LRP2: variants seen among roughly 807,000 people sequenced by gnomAD.
LRP2 encodes the protein LDL receptor related protein 2.
In LRP2, 172 loss-of-function variants were observed where a neutral mutation model predicts 531.0. The ratio of observed to expected loss-of-function variants is 0.32; its 90% CI spans 0.29 to 0.37. LRP2 has a LOEUF of 0.37. Ranked by LOEUF, LRP2 falls within the 10% of genes least tolerant of loss-of-function variation. LRP2 has a pLI of 1.00. For missense variants in LRP2, 5,167 were observed against 5,868.3 expected (o/e 0.88, Z 3.90); for synonymous variants, 1,992 against 2,027.6 (o/e 0.98, Z 0.47).
At position 169,152,156 on chromosome 2, in the gene LRP2, C is replaced by G. The variant is rs142277343; in HGVS notation, c.12461+643G>C. On this transcript the variant is annotated intron_variant, in intron 67 of 78. Transcript: ENST00000649046. ...CTCACACACCTACCTGATGATAACC[C>G]TACTTAAGTTCTACTTAAAAACCAT... Among the ~76,000 whole-genome samples the G allele has an allele frequency of 6.4e-3, 980 of 152,296 alleles. 2 individuals are homozygous for G. Among genetic ancestry groups the G allele is most frequent in the Non-Finnish European group, 0.011 (744 of 68,036 alleles).
At chr2:169,302,627 C>G (rs1684313202) in intron 4 of LRP2, among the ~76,000 whole-genome samples, 1 of 152,088 alleles carries the variant, frequency 6.6e-6, no homozygotes, top group African/African-American at 2.4e-5. Context: ...AAACCCTGCT[C>G]CAGGTCTAGC....
chr2:169,144,728 G>C (rs1685846885), intron 70 of LRP2, among the ~76,000 whole-genome samples: 1 of 152,164 alleles, frequency 6.6e-6, no homozygotes, highest in South Asian at 2.1e-4. Context: ...TCTCATGGGA[G>C]TCTCAGCTTT....
intron 42 of LRP2, 92 bp downstream of exon 42, chr2:169,203,890 A>AT (rs1477147086): frequency 1.4e-6 from 2 of 1,403,802 alleles, no homozygotes; most frequent in African/African-American, 1.4e-5. Context: ...GAGAATTTGA[A>AT]TTTTTTCTCC....
chr2:169,243,706 A>G (rs1259892715), intron 22 of LRP2, among the ~76,000 whole-genome samples, 184 bp from the exon 23 acceptor site: 2 of 152,256 alleles, frequency 1.3e-5, no homozygotes, highest in Non-Finnish European at 2.9e-5. Context: ...GATAGGTTTT[A>G]GAATTGAGAA....
intron 1 of LRP2, among the ~76,000 whole-genome samples, chr2:169,353,745 C>G (rs575852635): frequency 1.3e-5 from 2 of 152,228 alleles, no homozygotes; most frequent in Non-Finnish European, 2.9e-5. Context: ...AATCCCAGCA[C>G]TTTGGGAAGC....
chr2:169,278,045 T>C lies in LRP2; in HGVS notation c.1566-94A>G. ...AGTGTGTTTGGATCAATGGAAATTT[T>C]ATCCAGCTGATTAGAGAACCACAGT... is the stretch of plus-strand genomic sequence containing the variant. On this transcript the variant is annotated intron_variant, in intron 12 of 78. Coordinates refer to ENST00000649046, the MANE Select transcript of LRP2 (RefSeq NM_004525.3). 12 of 1,000,066 alleles carry C rather than the reference T, an allele frequency of 1.2e-5. No homozygotes were observed. The South Asian group carries it at 1.4e-4, about 11-fold the overall frequency. The allele number at this position is 1,000,066 out of a possible 1,614,324, so 61.9% of individuals were successfully genotyped here. A position where few individuals can be genotyped will look rare whatever the true frequency, so the allele number is the denominator to read the frequency against.
Position 169,248,682 on chromosome 2 carries a change from C to A in LRP2, c.2771-1167G>T, listed in dbSNP as rs1286500497. 4.0e-5 allele frequency among the ~76,000 whole-genome samples: 5 copies of A among 123,964 alleles called. 1 individual carries two copies. The highest frequency in any genetic ancestry group is 1.7e-4 in the African/African-American group (5 of 29,096). 81.3% of individuals were successfully genotyped at this position (123,964 alleles called of 152,430 possible). On this transcript the variant is annotated intron_variant, in intron 19 of 78. Transcript: ENST00000649046. ...TCCGGTCTACAGCTCCCAGCGTGAGCGACGCAGAAGACGGTGATTTCTGCA... is the reference window on the plus strand; with the variant it reads ...TCCGGTCTACAGCTCCCAGCGTGAGAGACGCAGAAGACGGTGATTTCTGCA...
At chr2:169,170,429 A>C in intron 59 of LRP2, 122 bp downstream of exon 59, 1 of 794,674 alleles carries the variant, frequency 1.3e-6, no homozygotes, top group Non-Finnish European at 2.3e-6. Flanking sequence ...TGTTATGCTA[A>C]GGTTTACATA....
At chr2:169,284,972 A>G (rs1683813496) in intron 9 of LRP2, among the ~76,000 whole-genome samples, 1 of 152,184 alleles carries the variant, frequency 6.6e-6, no homozygotes, top group African/African-American at 2.4e-5. Context: ...ATTCTCTAGC[A>G]CAAATGCCCT....
chr2:169,236,582 A>G (rs973908499), intron 28 of LRP2, among the ~76,000 whole-genome samples: 1 of 152,242 alleles, frequency 6.6e-6, no homozygotes, highest in African/African-American at 2.4e-5. Flanking sequence ...AAATATAAGT[A>G]AATTCAGGGA....
At chr2:169,241,633 A>G (rs1689810525) in intron 24 of LRP2, among the ~76,000 whole-genome samples, 1 of 152,204 alleles carries the variant, frequency 6.6e-6, no homozygotes, top group African/African-American at 2.4e-5. Context: ...GTGTCAAAAG[A>G]ACATCCTGTT....
At position 169,308,594 on chromosome 2, in the gene LRP2, T is replaced by G. The variant is rs573418524; in HGVS notation, c.311-1197A>C. Among the ~76,000 whole-genome samples, 5 of 152,354 alleles carry G rather than the reference T, an allele frequency of 3.3e-5. No homozygotes were observed. The South Asian group carries it at 1.0e-3, about 32-fold the overall frequency. On this transcript the variant is annotated intron_variant, in intron 3 of 78. Coordinates refer to ENST00000649046, the MANE Select transcript of LRP2 (RefSeq NM_004525.3). ...TGCATAGTATTCCATGGTGTATATG[T>G]GCCACATTTTCTTAATCCAGTGTAT... is the stretch of plus-strand genomic sequence containing the variant.
chr2:169,326,235 C>G (rs1407754437), intron 1 of LRP2, among the ~76,000 whole-genome samples: 3 of 137,606 alleles, frequency 2.2e-5, no homozygotes, highest in Admixed American at 7.3e-5. Flanking sequence ...CTCCCTCTCC[C>G]TCTCTTTCCA....
chr2:169,228,218 C>T (rs983123091), intron 31 of LRP2, among the ~76,000 whole-genome samples: 4 of 151,434 alleles, frequency 2.6e-5, no homozygotes, highest in African/African-American at 4.9e-5. Flanking sequence ...CCAAAATCTA[C>T]GTTTTTCATC....
Position 169,233,504 on chromosome 2 carries a change from T to C in LRP2, c.5005A>G (p.Asn1669Asp), listed in dbSNP as rs143413559. Residue 1669 changes from asparagine (N) to aspartate (D), a missense_variant, in exon 30 of 79, where the codon AAC (asparagine) becomes GAC (aspartate). Physicochemically the swap from Asn to Asp is conservative, Grantham distance 23. Coordinates refer to ENST00000649046, the MANE Select transcript of LRP2 (RefSeq NM_004525.3). ...GACTGGTTCCCTCCATGCCACTTGT[T>C]GGCTCGCATAACCCGACGAGTAGCA... Reference protein sequence around the residue: ...DRATRRVMRANKWHGGNQSVV... With the variant: ...DRATRRVMRADKWHGGNQSVV... 182 of 1,614,184 alleles carry C rather than the reference T, an allele frequency of 1.1e-4. 1 individual carries two copies. The highest frequency in any genetic ancestry group is 6.7e-4 in the Admixed American group (40 of 60,024).
At chr2:169,218,455 T>C (rs994889710) in intron 34 of LRP2, among the ~76,000 whole-genome samples, 1 of 152,188 alleles carries the variant, frequency 6.6e-6, no homozygotes, top group African/African-American at 2.4e-5. Flanking sequence ...CTTGTGGCTC[T>C]TAATCTTATA....
chr2:169,305,913 C>A (rs1684402350), intron 4 of LRP2, among the ~76,000 whole-genome samples: 1 of 151,992 alleles, frequency 6.6e-6, no homozygotes, highest in Non-Finnish European at 1.5e-5. Flanking sequence ...AGGTTTGTAG[C>A]CTAGGAGCAA....
In LRP2 at chr2:169,300,471, T is replaced by TA. The variant is rs1026019369; in HGVS notation, c.428-5762dup. Reference sequence around the variant, plus strand: ...CAATCAGTTGGATATATCACATATGTAAAAAAAATTTTTTTAAAGAAAGAA... The same window carrying TA: ...CAATCAGTTGGATATATCACATATGTAAAAAAAAATTTTTTTAAAGAAAGAA... On this transcript the variant is annotated intron_variant, in intron 4 of 78. Coordinates refer to ENST00000649046, the MANE Select transcript of LRP2 (RefSeq NM_004525.3). Among the ~76,000 whole-genome samples the TA allele has an allele frequency of 1.8e-4, 28 of 151,964 alleles. 2 individuals carry two copies. The highest frequency in any genetic ancestry group is 3.1e-4 in the African/African-American group (13 of 41,500).
At chr2:169,263,977 T>C (rs1345615913) in intron 16 of LRP2, among the ~76,000 whole-genome samples, 1 of 152,164 alleles carries the variant, frequency 6.6e-6, no homozygotes, top group African/African-American at 2.4e-5. Flanking sequence ...ATCATCATTC[T>C]CAGCAAACTA....
Sources: gnomAD v4.1 joint callset for allele counts (sites outside exome capture counted in the v4.1 genomes callset) on GRCh38, gnomAD v4.1.1 for gene constraint, MANE v1.5 for transcripts, NCBI Gene and HGNC (gene_info 2026-07-23, HGNC 2026-07-21) for gene names.